Variants in CCSER1 observed in about 807,000 individuals in gnomAD.
CCSER1 encodes coiled-coil serine rich protein 1, also known as serine-rich coiled-coil domain-containing protein 1.
In CCSER1, 41 loss-of-function variants were observed where a neutral mutation model predicts 82.0. The observed-to-expected ratio is 0.50, with a 90% CI of 0.39 to 0.65. CCSER1 has a LOEUF of 0.65. CCSER1 is among the 30% of genes least tolerant of loss of function. The pLI is 0.00. For missense variants in CCSER1, 1,119 were observed against 1,064.2 expected, an observed-to-expected ratio of 1.05 and a Z score of -0.72; for synonymous variants, 414 against 383.9, an observed-to-expected ratio of 1.08 and a Z score of -0.92.
intron 10 of CCSER1, among the ~76,000 whole-genome samples, chr4:91,153,759 G>T (rs574697215): frequency 1.3e-5 from 2 of 152,106 alleles, no homozygotes; most frequent in Admixed American, 6.5e-5. Context: ...GTCTGTTGGA[G>T]TTTGCTGGAG....
chr4:90,617,416 A>G lies in CCSER1; in HGVS notation c.1725-10609A>G, dbSNP rs148223554. ...CAATCTGTGTTTCTGCTGCTTGTGT[A>G]AAAGAAAAACCATCCTATGCCACCA... On this transcript the variant is annotated intron_variant, in intron 5 of 10. Coordinates refer to ENST00000509176, the MANE Select transcript of CCSER1 (RefSeq NM_001145065.2). Among the ~76,000 whole-genome samples the G allele has an allele frequency of 1.1e-4, 16 of 152,262 alleles. No individual in the cohort carries two copies. The South Asian group carries it at 2.1e-3, about 20-fold the overall frequency.
intron 5 of CCSER1, among the ~76,000 whole-genome samples, chr4:90,484,215 G>A (rs147945464): frequency 0.016 from 2,421 of 152,016 alleles, 37 homozygotes; most frequent in African/African-American, 0.047. Flanking sequence ...CGTGGTTTTT[G>A]GCTCCATGAG....
At chr4:90,893,764 TGTGTGTGTGTGC>T (rs1336788647) in intron 8 of CCSER1, among the ~76,000 whole-genome samples, 3 of 125,604 alleles carry the variant, frequency 2.4e-5, no homozygotes, top group African/African-American at 3.9e-5. Flanking sequence ...CTTGTGTGTG[TGTGTGTGTGTGC>T]GTGTGTGTGT....
chr4:90,545,911 C>G (rs1166413449), intron 5 of CCSER1, among the ~76,000 whole-genome samples: 1 of 151,992 alleles, frequency 6.6e-6, no homozygotes, highest in Non-Finnish European at 1.5e-5. Context: ...CACATTATGC[C>G]TAAAAGGCTG....
At chr4:90,886,551 A>G (rs1353282101) in intron 8 of CCSER1, among the ~76,000 whole-genome samples, 3 of 152,200 alleles carry the variant, frequency 2.0e-5, no homozygotes, top group African/African-American at 7.2e-5. Flanking sequence ...CTTTATCTCT[A>G]AATTGTAAAC....
intron 8 of CCSER1, among the ~76,000 whole-genome samples, chr4:90,850,220 C>A (rs1444764372): frequency 6.6e-6 from 1 of 152,216 alleles, no homozygotes; most frequent in African/African-American, 2.4e-5. Flanking sequence ...TATGGAAACA[C>A]CTGGATGTCT....
intron 3 of CCSER1, among the ~76,000 whole-genome samples, chr4:90,394,055 C>G (rs1751612602): frequency 6.6e-6 from 1 of 150,734 alleles, no homozygotes; most frequent in Non-Finnish European, 1.5e-5. Context: ...GTTGGGATTA[C>G]AGGTGTGAGC....
At chr4:91,474,250 T>C (rs1757437890) in intron 10 of CCSER1, among the ~76,000 whole-genome samples, 1 of 151,838 alleles carries the variant, frequency 6.6e-6, no homozygotes, top group Admixed American at 6.6e-5. Context: ...ATTCCCTATA[T>C]AACACCACAA....
At chr4:90,543,305 T>A (rs1466972760) in intron 5 of CCSER1, among the ~76,000 whole-genome samples, 2 of 152,176 alleles carry the variant, frequency 1.3e-5, no homozygotes, top group African/African-American at 4.8e-5. Flanking sequence ...AATTTTCATT[T>A]TTCACTGCCA....
intron 10 of CCSER1, among the ~76,000 whole-genome samples, chr4:91,541,653 A>G (rs926071535): frequency 1.4e-3 from 208 of 152,196 alleles, no homozygotes; most frequent in Admixed American, 3.0e-3. Flanking sequence ...TTGGTTCCAA[A>G]TCTTTGCTAT....
chr4:91,064,792 G>A (rs999561654), intron 9 of CCSER1, among the ~76,000 whole-genome samples: 3 of 152,206 alleles, frequency 2.0e-5, no homozygotes, highest in Non-Finnish European at 4.4e-5. Context: ...AGTAGTTTAA[G>A]ACCTCCTGTG....
intron 10 of CCSER1, among the ~76,000 whole-genome samples, chr4:91,219,554 T>C (rs62311961): frequency 0.058 from 8,809 of 152,110 alleles, 498 homozygotes; most frequent in African/African-American, 0.15. Flanking sequence ...CTGACCACCT[T>C]GGCCTCCCAG....
intron 3 of CCSER1, among the ~76,000 whole-genome samples, chr4:90,398,016 C>T (rs555388991): frequency 1.3e-5 from 2 of 152,268 alleles, no homozygotes; most frequent in South Asian, 4.1e-4. Flanking sequence ...AATTTGTTTT[C>T]TCACAGTTCT....
intron 5 of CCSER1, among the ~76,000 whole-genome samples, chr4:90,470,793 G>T (rs950600774): frequency 3.7e-5 from 5 of 134,614 alleles, no homozygotes; most frequent in Middle Eastern, 4.0e-3. Flanking sequence ...AAAACACCCA[G>T]ATTTGAGTGT....
At chr4:91,573,073 C>T (rs571615290) in intron 10 of CCSER1, among the ~76,000 whole-genome samples, 33 of 152,256 alleles carry the variant, frequency 2.2e-4, no homozygotes, top group African/African-American at 5.8e-4. Flanking sequence ...TGAGGTGGAA[C>T]GGGATTGAGA....
rs1161093080 is a variant in CCSER1 at position 91,603,114 on chromosome 4, G to T, written c.*4057G>T. 6.6e-6 allele frequency among the ~76,000 whole-genome samples: 1 copy of T among 151,922 alleles called. No homozygotes were observed. The highest frequency in any genetic ancestry group is 1.5e-5 in the Non-Finnish European group (1 of 67,934). Reference sequence around the variant, plus strand: ...TAATATAAAATACAAACTAGTTTTGGTTCTTATAAAAGGCTGATTTCAGTT... The same window carrying T: ...TAATATAAAATACAAACTAGTTTTGTTTCTTATAAAAGGCTGATTTCAGTT... On this transcript the variant is annotated 3_prime_UTR_variant, in exon 11 of 11. Transcript: ENST00000509176.
chr4:91,460,063 A>G (rs1756419617), intron 10 of CCSER1, among the ~76,000 whole-genome samples: 2 of 152,324 alleles, frequency 1.3e-5, no homozygotes, highest in Admixed American at 1.3e-4. Context: ...AGTAAGCATC[A>G]GGCAATGCAA....
At chr4:90,504,475 T>A (rs1770395105) in intron 5 of CCSER1, among the ~76,000 whole-genome samples, 1 of 152,178 alleles carries the variant, frequency 6.6e-6, no homozygotes, top group Non-Finnish European at 1.5e-5. Context: ...AAATTCTCTC[T>A]CTAAAAAACT....
chr4:91,461,181 C>T (rs1756479931), intron 10 of CCSER1, among the ~76,000 whole-genome samples: 1 of 152,154 alleles, frequency 6.6e-6, no homozygotes. Flanking sequence ...ATGGCTAAAA[C>T]ACAGAAATAC....
Sources: allele counts gnomAD v4.1 joint callset (sites outside exome capture counted in the v4.1 genomes callset), GRCh38; gene constraint gnomAD v4.1.1; transcripts MANE v1.5; gene names NCBI Gene and HGNC (gene_info 2026-07-23, HGNC 2026-07-21).